The following ACP7 variants were observed in gnomAD, a reference collection of about 807,000 sequenced individuals.
ACP7 encodes the protein acid phosphatase 7, tartrate resistant (putative), also known as acid phosphatase type 7.
A neutral mutation model predicts 60.6 loss-of-function variants in ACP7; 58 were observed. The ratio of observed to expected loss-of-function variants is 0.96; its 90% CI spans 0.77 to 1.19. ACP7 has a LOEUF of 1.19. Among genes scored for constraint, ACP7 ranks in the 50% most tolerant of loss-of-function variants. ACP7 has a pLI of 0.00. For synonymous variants in ACP7, 237 were observed against 232.6 expected (o/e 1.02, Z -0.17); for missense variants, 574 against 596.2 (o/e 0.96, Z 0.39).
intron 4 of ACP7, 77 bp downstream of exon 4, chr19:39,099,219 G>C: frequency 7.3e-7 from 1 of 1,375,778 alleles, no homozygotes; most frequent in Non-Finnish European, 9.4e-7. Context: ...CGGGTCGGGG[G>C]CGCGCGGGTC....
chr19:39,110,399 C>T lies in ACP7; in HGVS notation c.*281C>T, dbSNP rs904667516. ...CCCCACCCTCCTGCATAGCTCTGAT[C>T]GGGCGAGGTGCCCACGGGGCTTCAG... On this transcript the variant is annotated 3_prime_UTR_variant, in exon 13 of 13. Coordinates refer to ENST00000331256, the MANE Select transcript of ACP7 (RefSeq NM_001004318.3). The T allele has an allele frequency of 2.2e-5, 9 of 406,736 alleles. No homozygotes were observed. The East Asian group carries it at 2.5e-4, about 11-fold the overall frequency. 25.2% of individuals were successfully genotyped at this position (406,736 alleles called of 1,614,324 possible).
chr19:39,098,714 C>A, intron 3 of ACP7, 56 bp downstream of exon 3: 1 of 1,530,676 alleles, frequency 6.5e-7, no homozygotes. Flanking sequence ...GAGTGGGATG[C>A]AGACTAGAAG....
intron 11 of ACP7, among the ~76,000 whole-genome samples, chr19:39,106,366 A>T (rs1341428920): frequency 6.6e-6 from 1 of 152,044 alleles, no homozygotes; most frequent in African/African-American, 2.4e-5. Flanking sequence ...TGACTCCCTG[A>T]TGGGCGTTGG....
At chr19:39,102,900 C>T (rs150351918) in intron 11 of ACP7, among the ~76,000 whole-genome samples, 132 of 150,962 alleles carry the variant, frequency 8.7e-4, no homozygotes, top group African/African-American at 2.8e-3. Context: ...TGCAGTGGCA[C>T]GATCTCGGCT....
At position 39,106,952 on chromosome 19, in the gene ACP7, T is replaced by C; in HGVS notation, c.1119T>C (p.Cys373=). The change falls in exon 12 of 13, where the codon TGT becomes TGC. Residue 373 remains cysteine (C), a synonymous_variant. Coordinates refer to ENST00000331256, the MANE Select transcript of ACP7 (RefSeq NM_001004318.3). The part of the protein sequence containing the change: ...PVHIITGSAG[C]EERLTPFAVF... Reference sequence around the variant, plus strand: ...ATCAGTTCTCCCCGCCCCAGGGCTGTGAGGAGCGGCTGACGCCCTTTGCTG... The same window carrying C: ...ATCAGTTCTCCCCGCCCCAGGGCTGCGAGGAGCGGCTGACGCCCTTTGCTG... The C allele has an allele frequency of 6.2e-7, 1 of 1,613,800 alleles. No homozygotes were observed. The highest frequency in any genetic ancestry group is 8.5e-7 in the Non-Finnish European group (1 of 1,179,918).
At chr19:39,102,873 TG>T (rs2073371260) in intron 11 of ACP7, among the ~76,000 whole-genome samples, 1 of 150,906 alleles carries the variant, frequency 6.6e-6, no homozygotes, top group Non-Finnish European at 1.5e-5. Context: ...GTTTCACTCT[TG>T]TCACCCAGGC....
In ACP7 at chr19:39,102,713, A is replaced by T. The variant is rs1330773260; in HGVS notation, c.1113+1176A>T. Among the ~76,000 whole-genome samples, 40 of 47,928 alleles carry T rather than the reference A, an allele frequency of 8.3e-4. 1 individual carries two copies. Among genetic ancestry groups the T allele is most frequent in the African/African-American group, 2.3e-3 (36 of 15,520 alleles). The allele number at this position is 47,928 out of a possible 152,430, so 31.4% of individuals were successfully genotyped here. A position where few individuals can be genotyped will look rare whatever the true frequency, so the allele number is the denominator to read the frequency against. ...TTATTACTAAGCTGTTCCAATGAAG[A>T]CTTTTCTTTCTTTCTTTCTTTCTTT... is the stretch of plus-strand genomic sequence containing the variant. On this transcript the variant is annotated intron_variant, in intron 11 of 12. Transcript: ENST00000331256.
intron 4 of ACP7, 67 bp downstream of exon 4, chr19:39,099,209 C>A (rs1010807381): frequency 3.9e-6 from 5 of 1,274,848 alleles, no homozygotes; most frequent in South Asian, 1.6e-5. Context: ...GGGGGGCGCG[C>A]GGGTCGGGGG....
chr19:39,092,385 T>C (rs897349127), intron 2 of ACP7, among the ~76,000 whole-genome samples: 14 of 151,716 alleles, frequency 9.2e-5, no homozygotes, highest in Admixed American at 7.2e-4. Context: ...TATATATATA[T>C]ATATATATAG....
intron 2 of ACP7, among the ~76,000 whole-genome samples, 194 bp downstream of exon 2, chr19:39,085,584 G>T (rs192468013): frequency 1.1e-3 from 168 of 152,300 alleles, no homozygotes; most frequent in African/African-American, 3.9e-3. Flanking sequence ...TGATCATGGT[G>T]CTCAGCCCAC....
Position 39,110,525 on chromosome 19 carries a change from G to C in ACP7, c.*407G>C. ...TGCCCACCTGGCAAGGGCATCGCCAGGTGGGCACAACCGTCATGACACTAC... is the reference window on the plus strand; with the variant it reads ...TGCCCACCTGGCAAGGGCATCGCCACGTGGGCACAACCGTCATGACACTAC... On this transcript the variant is annotated 3_prime_UTR_variant, in exon 13 of 13. Transcript: ENST00000331256. 1 of 170,542 alleles carries C rather than the reference G, an allele frequency of 5.9e-6. No individual in the cohort carries two copies. The highest frequency in any genetic ancestry group is 1.7e-4 in the East Asian group (1 of 5,954). 10.6% of individuals were successfully genotyped at this position (170,542 alleles called of 1,614,324 possible).
intron 2 of ACP7, among the ~76,000 whole-genome samples, chr19:39,097,841 A>T (rs750777587): frequency 1.3e-5 from 2 of 152,058 alleles, no homozygotes; most frequent in African/African-American, 4.8e-5. Context: ...CACGTGCTTT[A>T]TTTATATTTA....
intron 1 of ACP7, among the ~76,000 whole-genome samples, 162 bp downstream of exon 1, chr19:39,084,562 A>T (rs2073119384): frequency 6.6e-6 from 1 of 150,908 alleles, no homozygotes; most frequent in African/African-American, 2.4e-5. Flanking sequence ...GGGAGAGAGG[A>T]TGCGGCCGCT....
intron 2 of ACP7, among the ~76,000 whole-genome samples, chr19:39,088,338 A>G (rs1276364597): frequency 6.6e-6 from 1 of 152,170 alleles, no homozygotes; most frequent in Non-Finnish European, 1.5e-5. Context: ...AGGGTTTCTT[A>G]AAGGTTAGTT....
Position 39,085,405 on chromosome 19 carries a change from C to T in ACP7, c.121+15C>T, listed in dbSNP as rs2073130231. The T allele has an allele frequency of 1.2e-6, 2 of 1,602,546 alleles. No individual in the cohort carries two copies. Among genetic ancestry groups the T allele is most frequent in the East Asian group, 4.5e-5 (2 of 44,494 alleles). On this transcript the variant is annotated intron_variant, in intron 2 of 12. Coordinates refer to ENST00000331256, the MANE Select transcript of ACP7 (RefSeq NM_001004318.3). ...GTCTTACCCAGGTAAGTGTCCCTGA[C>T]TCATTTCTATGCCTCTACCAGAGAG...
intron 2 of ACP7, among the ~76,000 whole-genome samples, chr19:39,089,181 G>A (rs962163608): frequency 1.3e-5 from 2 of 151,904 alleles, no homozygotes; most frequent in Admixed American, 1.3e-4. Context: ...TACCCACCTC[G>A]GCCTCCCAAA....
chr19:39,094,502 C>CA (rs11289993), intron 2 of ACP7, among the ~76,000 whole-genome samples: 43 of 137,518 alleles, frequency 3.1e-4, no homozygotes, highest in Non-Finnish European at 4.0e-4. Flanking sequence ...GACTTAGTCT[C>CA]AAAAAAAAAA....
Position 39,092,881 on chromosome 19 carries a change from G to C in ACP7, c.122-5577G>C, listed in dbSNP as rs550601059. On this transcript the variant is annotated intron_variant, in intron 2 of 12. Coordinates refer to ENST00000331256, the MANE Select transcript of ACP7 (RefSeq NM_001004318.3). ...CAACCTTCGCCTCCCAGATTCAAGC[G>C]ATTCTCCTGTCTCAGCCTCCTGAGT... 2.2e-4 allele frequency among the ~76,000 whole-genome samples: 33 copies of C among 148,594 alleles called. No individual in the cohort carries two copies. The East Asian group carries it at 6.8e-3, about 31-fold the overall frequency.
At chr19:39,087,302 G>A (rs544983912) in intron 2 of ACP7, among the ~76,000 whole-genome samples, 4 of 152,018 alleles carry the variant, frequency 2.6e-5, no homozygotes, top group South Asian at 2.1e-4. Flanking sequence ...ATGAGCCACC[G>A]CGCCCCGCCT....
Sources: allele counts gnomAD v4.1 joint callset (sites outside exome capture counted in the v4.1 genomes callset), GRCh38; gene constraint gnomAD v4.1.1; transcripts MANE v1.5; gene names NCBI Gene and HGNC (gene_info 2026-07-23, HGNC 2026-07-21).